Variants in ASAP1 observed in about 807,000 individuals in gnomAD.
ASAP1 encodes the protein arf-GAP with SH3 domain, ANK repeat and PH domain-containing protein 1.
In ASAP1, 43 loss-of-function variants were observed where a neutral mutation model predicts 145.2. That is an observed-to-expected ratio of 0.30 (90% confidence interval 0.23 to 0.38). The LOEUF (loss-of-function observed/expected upper bound fraction) is 0.38, where lower values mean the gene tolerates loss of function less well. Ranked by LOEUF, ASAP1 falls within the 10% of genes least tolerant of loss-of-function variation. The pLI, the probability that ASAP1 is intolerant of heterozygous loss-of-function variation, is 1.00. For synonymous variants in ASAP1, 546 were observed against 515.5 expected (o/e 1.06, Z -0.80); for missense variants, 1,018 against 1,355.3 (o/e 0.75, Z 3.91).
At chr8:130,369,506 T>C (rs537341750) in intron 2 of ASAP1, among the ~76,000 whole-genome samples, 1 of 152,318 alleles carries the variant, frequency 6.6e-6, no homozygotes, top group South Asian at 2.1e-4. Context: ...TCAAAATATA[T>C]AAACTTTTGC....
chr8:130,240,111 G>C (rs1241190575), intron 3 of ASAP1, among the ~76,000 whole-genome samples: 5 of 152,114 alleles, frequency 3.3e-5, no homozygotes, highest in Admixed American at 3.3e-4. Flanking sequence ...AAAGATTTCA[G>C]CCATAACATT....
At chr8:130,354,216 T>C (rs1192567956) in intron 3 of ASAP1, among the ~76,000 whole-genome samples, 2 of 152,182 alleles carry the variant, frequency 1.3e-5, no homozygotes, top group Non-Finnish European at 2.9e-5. Flanking sequence ...AATTCCATTT[T>C]ATTTACTAGC....
In ASAP1 at chr8:130,175,648, A is replaced by G. The variant is rs149868082; in HGVS notation, c.746+3616T>C. Among the ~76,000 whole-genome samples the G allele has an allele frequency of 2.6e-3, 399 of 152,258 alleles. 1 individual carries two copies. Among genetic ancestry groups the G allele is most frequent in the African/African-American group, 9.1e-3 (380 of 41,536 alleles). On this transcript the variant is annotated intron_variant, in intron 9 of 29. Coordinates refer to ENST00000518721, the MANE Select transcript of ASAP1 (RefSeq NM_018482.4). ...TCTTGATAATATACTTCCATGAACA[A>G]AAGTTTTTAATTTTGAAGTCCAATT...
chr8:130,236,928 C>T lies in ASAP1; in HGVS notation c.253G>A (p.Gly85Ser). The T allele has an allele frequency of 6.3e-7, 1 of 1,587,838 alleles. No homozygotes were observed. Among genetic ancestry groups the T allele is most frequent in the African/African-American group, 1.3e-5 (1 of 74,236 alleles). The change falls in exon 4 of 30, where the codon GGT (glycine) becomes AGT (serine). Residue 85 changes from glycine (G) to serine (S), a missense_variant. Physicochemically the swap from Gly to Ser is moderately conservative, Grantham distance 56. Transcript: ENST00000518721. The stretch of plus-strand genomic sequence containing the variant: ...ATTTTTAGTAAGTGCTTACCTTGAC[C>T]AGAATTATATATTGCTTTTACAGAC... Reference protein sequence around the residue: ...KKSVKAIYNSGQDHVQNEENY... With the variant: ...KKSVKAIYNSSQDHVQNEENY...
At chr8:130,116,372 C>G (rs1453708063) in intron 22 of ASAP1, among the ~76,000 whole-genome samples, 3 of 152,236 alleles carry the variant, frequency 2.0e-5, no homozygotes, top group Admixed American at 6.5e-5. Context: ...TAATTCTTTA[C>G]TATTAAGCTG....
chr8:130,127,305 C>T (rs888267983), intron 16 of ASAP1, among the ~76,000 whole-genome samples: 13 of 152,252 alleles, frequency 8.5e-5, no homozygotes, highest in Admixed American at 7.8e-4. Flanking sequence ...CAACCTCTGC[C>T]TCCTGGGTTC....
Position 130,401,873 on chromosome 8 carries a change from G to T in ASAP1, c.59+12C>A. ...CGAGTTTTCTGGACAGGATGGGCTAGAGATCACTCACCGATTCCATAGTGA... is the reference window on the plus strand; with the variant it reads ...CGAGTTTTCTGGACAGGATGGGCTATAGATCACTCACCGATTCCATAGTGA... On this transcript the variant is annotated intron_variant, in intron 2 of 29. Coordinates refer to ENST00000518721, the MANE Select transcript of ASAP1 (RefSeq NM_018482.4). 6.2e-7 allele frequency: 1 copy of T among 1,612,800 alleles called. No homozygotes were observed.
chr8:130,133,382 C>T lies in ASAP1; in HGVS notation c.1217+914G>A, dbSNP rs2097586177. On this transcript the variant is annotated intron_variant, in intron 15 of 29. Coordinates refer to ENST00000518721, the MANE Select transcript of ASAP1 (RefSeq NM_018482.4). ...GCAAAACTCCAACCCAGGGGCCGGG[C>T]GCGGTGGCTCACGCCTGTAATCCCA... 2.0e-5 allele frequency among the ~76,000 whole-genome samples: 3 copies of T among 151,790 alleles called. No individual in the cohort carries two copies. In the South Asian group the frequency reaches 6.2e-4, roughly 32 times the overall value.
Position 130,054,586 on chromosome 8 carries a change from A to G in ASAP1, c.*145T>C. The G allele has an allele frequency of 1.5e-6, 1 of 670,998 alleles. No homozygotes were observed. The highest frequency in any genetic ancestry group is 1.7e-5 in the South Asian group (1 of 59,762). The allele number at this position is 670,998 out of a possible 1,614,324, so 41.6% of individuals were successfully genotyped here. ...GGCAGAAAACCACAGGATATTTACA[A>G]CACACATTATATCCCCCTCCTGAGG... On this transcript the variant is annotated 3_prime_UTR_variant, in exon 30 of 30. Transcript: ENST00000518721.
intron 2 of ASAP1, among the ~76,000 whole-genome samples, chr8:130,364,368 C>T (rs961354134): frequency 3.3e-5 from 5 of 152,212 alleles, no homozygotes; most frequent in Non-Finnish European, 4.4e-5. Flanking sequence ...TCATTGCAGG[C>T]GCAACCTCAC....
chr8:130,380,088 CCCAGGTCT>C (rs1360707818), intron 2 of ASAP1, among the ~76,000 whole-genome samples: 4 of 152,162 alleles, frequency 2.6e-5, no homozygotes, highest in African/African-American at 9.7e-5. Flanking sequence ...TGTTGGGCAC[CCCAGGTCT>C]CAGGTTGGGT....
intron 1 of ASAP1, 142 bp from the exon 2 acceptor site, chr8:130,402,112 G>C: frequency 3.6e-6 from 2 of 563,318 alleles, no homozygotes; most frequent in Non-Finnish European, 6.2e-6. Context: ...TGGCTGTCCA[G>C]AAATATGAAG....
At chr8:130,208,094 G>GA (rs1194654790) in intron 5 of ASAP1, among the ~76,000 whole-genome samples, 2 of 151,978 alleles carry the variant, frequency 1.3e-5, no homozygotes, top group Admixed American at 6.6e-5. Context: ...AACTTATTTT[G>GA]AAAAAATTAT....
At chr8:130,092,994 G>A (rs2097508829) in intron 24 of ASAP1, among the ~76,000 whole-genome samples, 9 of 149,142 alleles carry the variant, frequency 6.0e-5, no homozygotes, top group Admixed American at 6.0e-4. Context: ...AGAACTGGAC[G>A]TAAAGCATTA....
chr8:130,072,888 G>A (rs1301729560), intron 27 of ASAP1, among the ~76,000 whole-genome samples: 1 of 148,198 alleles, frequency 6.7e-6, no homozygotes, highest in African/African-American at 2.5e-5. Context: ...ACTATCTTCA[G>A]GTAGACAGTG....
At chr8:130,256,785 T>TTATATATATA (rs1303685201) in intron 3 of ASAP1, among the ~76,000 whole-genome samples, 2 of 89,538 alleles carry the variant, frequency 2.2e-5, no homozygotes, top group African/African-American at 8.5e-5. Flanking sequence ...ATATATATCC[T>TTATATATATA]TATATATATA....
At chr8:130,363,868 T>A (rs1826827181) in intron 2 of ASAP1, among the ~76,000 whole-genome samples, 2 of 152,212 alleles carry the variant, frequency 1.3e-5, no homozygotes, top group South Asian at 4.1e-4. Flanking sequence ...AACTTATGAA[T>A]TCATTTTCTA....
At chr8:130,295,528 T>C (rs1822217923) in intron 3 of ASAP1, among the ~76,000 whole-genome samples, 1 of 152,188 alleles carries the variant, frequency 6.6e-6, no homozygotes, top group Non-Finnish European at 1.5e-5. Context: ...TAATACCTAG[T>C]TATTGTGAGG....
At chr8:130,073,065 G>A (rs1293816343) in intron 27 of ASAP1, among the ~76,000 whole-genome samples, 1 of 149,732 alleles carries the variant, frequency 6.7e-6, no homozygotes, top group South Asian at 2.1e-4. Flanking sequence ...ATCAAGTGGC[G>A]ATGTGAAATA....
Sources: gnomAD v4.1 joint callset for allele counts (sites outside exome capture counted in the v4.1 genomes callset) on GRCh38, gnomAD v4.1.1 for gene constraint, MANE v1.5 for transcripts, NCBI Gene and HGNC (gene_info 2026-07-23, HGNC 2026-07-21) for gene names.